The following AK8 variants were observed in gnomAD, a reference collection of about 807,000 sequenced individuals.
AK8 encodes the protein adenylate kinase 8.
AK8 carries 44 observed loss-of-function variants against 54.6 expected under a neutral mutation model. The ratio of observed to expected loss-of-function variants is 0.81; its 90% CI spans 0.63 to 1.04. The LOEUF (loss-of-function observed/expected upper bound fraction) is 1.04, where lower values mean the gene tolerates loss of function less well. AK8 is among the 50% of genes least tolerant of loss of function. AK8 has a pLI of 0.00. For synonymous variants in AK8, 239 were observed against 245.6 expected, an observed-to-expected ratio of 0.97 and a Z score of 0.25; for missense variants, 555 against 613.6, an observed-to-expected ratio of 0.90 and a Z score of 1.01.
chr9:132,727,429 C>G, intron 12 of AK8, 25 bp downstream of exon 12: 1 of 1,613,038 alleles, frequency 6.2e-7, no homozygotes, highest in Non-Finnish European at 8.5e-7. Flanking sequence ...CCCAGACTGC[C>G]AACCACCAGG....
At position 132,774,432 on chromosome 9, in the gene AK8, G is replaced by A. The variant is rs116229115; in HGVS notation, c.1121+18202C>T. ...ATTTCTGTGATATTTAGGAAGAAGAGCTTCAAGCTTTTAGACATCTGCCAC... is the reference window on the plus strand; with the variant it reads ...ATTTCTGTGATATTTAGGAAGAAGAACTTCAAGCTTTTAGACATCTGCCAC... On this transcript the variant is annotated intron_variant, in intron 11 of 12. Coordinates refer to ENST00000298545, the MANE Select transcript of AK8 (RefSeq NM_152572.3). Among the ~76,000 whole-genome samples the A allele has an allele frequency of 9.5e-3, 1,447 of 152,202 alleles. 29 individuals carry two copies. Among genetic ancestry groups the A allele is most frequent in the African/African-American group, 0.033 (1,367 of 41,512 alleles).
chr9:132,821,824 T>C (rs1841656890), intron 9 of AK8, among the ~76,000 whole-genome samples: 1 of 120,346 alleles, frequency 8.3e-6, no homozygotes, highest in Non-Finnish European at 1.7e-5. Context: ...TATACAAATA[T>C]ATACATATAT....
At chr9:132,812,593 C>T (rs895894732) in intron 10 of AK8, among the ~76,000 whole-genome samples, 3 of 5,450 alleles carry the variant, frequency 5.5e-4, no homozygotes, top group Non-Finnish European at 1.2e-3. Context: ...AGAGCAGCAG[C>T]TGCCTGTGGC....
At chr9:132,757,146 G>A (rs1838227724) in intron 11 of AK8, among the ~76,000 whole-genome samples, 1 of 151,814 alleles carries the variant, frequency 6.6e-6, no homozygotes, top group Non-Finnish European at 1.5e-5. Context: ...GTGTGTCCAG[G>A]GGCAGCCAGA....
intron 10 of AK8, among the ~76,000 whole-genome samples, chr9:132,809,457 T>A (rs1331322306): frequency 6.6e-6 from 1 of 152,010 alleles, no homozygotes; most frequent in Non-Finnish European, 1.5e-5. Flanking sequence ...GGCTCTCCCA[T>A]CCTCCCGCTG....
At chr9:132,738,344 C>T (rs1409625853) in intron 11 of AK8, among the ~76,000 whole-genome samples, 1 of 152,118 alleles carries the variant, frequency 6.6e-6, no homozygotes. Flanking sequence ...TGAGCCACCG[C>T]ACCTGGCCTA....
At chr9:132,768,756 A>T (rs949034051) in intron 11 of AK8, among the ~76,000 whole-genome samples, 1 of 152,256 alleles carries the variant, frequency 6.6e-6, no homozygotes. Context: ...ATTTAAATAC[A>T]TTATAATACA....
chr9:132,726,068 T>G, intron 12 of AK8, 143 bp from the exon 13 acceptor site: 1 of 676,694 alleles, frequency 1.5e-6, no homozygotes, highest in Non-Finnish European at 2.6e-6. Flanking sequence ...TGTACTGCTG[T>G]GTGCACACCT....
intron 11 of AK8, among the ~76,000 whole-genome samples, chr9:132,773,716 G>A (rs1358942086): frequency 6.6e-6 from 1 of 152,202 alleles, no homozygotes; most frequent in Non-Finnish European, 1.5e-5. Flanking sequence ...CAACCCAGTT[G>A]CTGACTTCAG....
Position 132,792,762 on chromosome 9 carries a change from G to C in AK8, c.993C>G (p.Leu331=). 1 of 1,560,510 alleles carries C rather than the reference G, an allele frequency of 6.4e-7. No homozygotes were observed. The highest frequency in any genetic ancestry group is 1.2e-5 in the South Asian group (1 of 84,428). ...GGCGCTGGCTCAGCACCTTCATGAG[G>C]AGGCTGTCAGGAACTGCAGAGAAGG... The part of the protein sequence containing the change: ...FEKEMAVPDS[L]LMKVLSQRLD... The change falls in exon 11 of 13, where the codon CTC becomes CTG. Residue 331 remains leucine, a synonymous_variant. Transcript: ENST00000298545.
chr9:132,786,821 GT>G (rs1588129755), intron 11 of AK8, among the ~76,000 whole-genome samples: 2 of 151,950 alleles, frequency 1.3e-5, no homozygotes, highest in East Asian at 3.8e-4. Context: ...ATAGAAACTG[GT>G]TATGCAGAAA....
intron 11 of AK8, chr9:132,769,985 G>A (rs1838888039): frequency 6.6e-6 from 1 of 152,266 alleles, no homozygotes; most frequent in South Asian, 2.1e-4. Context: ...GTCTTACAAG[G>A]CTAATTATTG....
At chr9:132,828,125 C>A (rs763623170) in intron 6 of AK8, 41 bp from the exon 7 acceptor site, 19 of 1,531,172 alleles carry the variant, frequency 1.2e-5, no homozygotes, top group Non-Finnish European at 1.5e-5. Context: ...GCATGTCGGG[C>A]AGCGGGTGCC....
At chr9:132,868,137 T>C (rs1248147361) in intron 2 of AK8, among the ~76,000 whole-genome samples, 1 of 152,180 alleles carries the variant, frequency 6.6e-6, no homozygotes, top group East Asian at 1.9e-4. Flanking sequence ...CTCTAACGTC[T>C]GCATGAGAGC....
At position 132,840,024 on chromosome 9, in the gene AK8, C is replaced by T. The variant is rs558486342; in HGVS notation, c.403-11298G>A. Among the ~76,000 whole-genome samples the T allele has an allele frequency of 1.8e-4, 28 of 152,014 alleles. No homozygotes were observed. The South Asian group carries it at 5.8e-3, about 32-fold the overall frequency. On this transcript the variant is annotated intron_variant, in intron 5 of 12. Transcript: ENST00000298545. ...GTAGAGACAGGGTTTCACCATGTTG[C>T]CCAGGCTGTTCTCGAACTCCTGACC...
chr9:132,831,197 T>C (rs985402913), intron 5 of AK8, among the ~76,000 whole-genome samples: 1 of 152,238 alleles, frequency 6.6e-6, no homozygotes, highest in Non-Finnish European at 1.5e-5. Context: ...CCCTTCTTTT[T>C]TTTTTCAAAG....
intron 2 of AK8, among the ~76,000 whole-genome samples, chr9:132,872,851 G>A (rs956312911): frequency 1.2e-4 from 19 of 152,154 alleles, no homozygotes; most frequent in African/African-American, 7.2e-5. Flanking sequence ...TCGCTCTTTC[G>A]CCCAGGCTGC....
At chr9:132,832,313 T>C (rs1239822876) in intron 5 of AK8, among the ~76,000 whole-genome samples, 1 of 152,090 alleles carries the variant, frequency 6.6e-6, no homozygotes, top group Non-Finnish European at 1.5e-5. Flanking sequence ...TTTTTAACAG[T>C]CTTTTGCTCC....
intron 2 of AK8, among the ~76,000 whole-genome samples, chr9:132,871,173 G>A (rs1843811490): frequency 1.3e-5 from 2 of 152,176 alleles, no homozygotes; most frequent in Admixed American, 1.3e-4. Flanking sequence ...TTGAACCTGG[G>A]AGGCGGAGCT....
Sources: gnomAD v4.1 joint callset for allele counts (sites outside exome capture counted in the v4.1 genomes callset) on GRCh38, gnomAD v4.1.1 for gene constraint, MANE v1.5 for transcripts, NCBI Gene and HGNC (gene_info 2026-07-23, HGNC 2026-07-21) for gene names.